C16orf96: variants seen among roughly 807,000 people sequenced by gnomAD.
C16orf96 encodes the protein uncharacterized protein C16orf96.
Under a neutral mutation model 103.6 loss-of-function variants are expected in C16orf96, and 108 were observed. That is an observed-to-expected ratio of 1.04 (90% CI 0.89 to 1.22). C16orf96 has a LOEUF of 1.22. Among genes scored for constraint, C16orf96 ranks in the 50% most tolerant of loss-of-function variants. C16orf96 has a pLI of 0.00. For synonymous variants in C16orf96, 566 were observed against 593.5 expected (o/e 0.95, Z 0.67); for missense variants, 1,586 against 1,464.2 (o/e 1.08, Z -1.36).
At chr16:4,566,356 G>A (rs1318650714) in intron 1 of C16orf96, among the ~76,000 whole-genome samples, 2 of 152,110 alleles carry the variant, frequency 1.3e-5, no homozygotes, top group South Asian at 4.1e-4. Flanking sequence ...TCTGACTTTC[G>A]CTTCTGACCA....
intron 1 of C16orf96, among the ~76,000 whole-genome samples, chr16:4,561,844 T>C (rs1398107089): frequency 6.6e-6 from 1 of 152,158 alleles, no homozygotes; most frequent in African/African-American, 2.4e-5. Flanking sequence ...TTTTACAATG[T>C]TCCTTTCGCG....
chr16:4,599,197 G>C, intron 14 of C16orf96, 87 bp from the exon 15 acceptor site: 1 of 1,191,162 alleles, frequency 8.4e-7, no homozygotes, highest in African/African-American at 1.5e-5. Context: ...GGTCCCACCA[G>C]AGGGAGACTG....
the C16orf96 span, among the ~76,000 whole-genome samples, chr16:4,548,320 C>G: frequency 2.6e-5 from 4 of 152,324 alleles, no homozygotes; most frequent in Middle Eastern, 0.01. Flanking sequence ...GCAGCTCCTC[C>G]TCCCTGGCAC....
chr16:4,577,141 A>G (rs1309111752), intron 5 of C16orf96, among the ~76,000 whole-genome samples: 2 of 152,010 alleles, frequency 1.3e-5, no homozygotes, highest in African/African-American at 4.8e-5. Flanking sequence ...CGGTGAGCCA[A>G]GATCATGCCA....
chr16:4,543,300 A>G, the C16orf96 span, among the ~76,000 whole-genome samples: 11 of 152,104 alleles, frequency 7.2e-5, no homozygotes, highest in African/African-American at 2.7e-4. Context: ...GTGTGGGGAA[A>G]TGCAAGCAGT....
chr16:4,555,269 TACACACACACACACACACAC>T (rs71139639), upstream of C16orf96, among the ~76,000 whole-genome samples: 35 of 145,688 alleles, frequency 2.4e-4, no homozygotes, highest in African/African-American at 6.9e-4. Flanking sequence ...TCACACACAC[TACACACACACACACACACAC>T]ACACACACAC....
chr16:4,571,719 G>C (rs2059440539), intron 2 of C16orf96, 54 bp downstream of exon 2: 1 of 1,375,856 alleles, frequency 7.3e-7, no homozygotes, highest in African/African-American at 1.7e-5. Context: ...GGCCTCTGGG[G>C]GTTGGAGCAA....
chr16:4,540,332 T>C, the C16orf96 span, among the ~76,000 whole-genome samples: 1 of 152,154 alleles, frequency 6.6e-6, no homozygotes, highest in East Asian at 1.9e-4. Context: ...CATTCTATTC[T>C]GGAAGGGCAT....
chr16:4,599,966 C>T, intron 15 of C16orf96, 134 bp from the exon 16 acceptor site: 1 of 924,336 alleles, frequency 1.1e-6, no homozygotes, highest in South Asian at 1.7e-5. Context: ...AGGTATGGTG[C>T]CCAGCCGGCC....
At chr16:4,543,369 G>C in the C16orf96 span, among the ~76,000 whole-genome samples, 1 of 152,058 alleles carries the variant, frequency 6.6e-6, no homozygotes, top group South Asian at 2.1e-4. Flanking sequence ...GAAACATGAG[G>C]GCCTTATAGA....
intron 1 of C16orf96, among the ~76,000 whole-genome samples, chr16:4,568,826 C>T (rs151051492): frequency 2.0e-5 from 3 of 151,584 alleles, no homozygotes; most frequent in East Asian, 1.9e-4. Flanking sequence ...GATGGGAGAC[C>T]GCTATGTTGC....
intron 5 of C16orf96, among the ~76,000 whole-genome samples, chr16:4,577,943 C>T (rs765669340): frequency 6.6e-6 from 1 of 151,806 alleles, no homozygotes; most frequent in Non-Finnish European, 1.5e-5. Flanking sequence ...TAGCGAGACT[C>T]CTCCTCAAAA....
At chr16:4,596,732 C>A (rs913207967) in intron 14 of C16orf96, among the ~76,000 whole-genome samples, 5 of 152,044 alleles carry the variant, frequency 3.3e-5, no homozygotes, top group South Asian at 2.1e-4. Context: ...AACCAAACAA[C>A]AACAACAACA....
chr16:4,599,204 A>C, intron 14 of C16orf96, 80 bp from the exon 15 acceptor site: 1 of 1,254,230 alleles, frequency 8.0e-7, no homozygotes, highest in Non-Finnish European at 1.1e-6. Context: ...CCAGAGGGAG[A>C]CTGCCCAGTG....
intron 1 of C16orf96, among the ~76,000 whole-genome samples, chr16:4,570,284 T>C (rs538386015): frequency 6.6e-6 from 1 of 152,242 alleles, no homozygotes; most frequent in East Asian, 1.9e-4. Context: ...AACCCTGCAA[T>C]GCAGCGAGCA....
chr16:4,575,547 C>T lies in C16orf96; in HGVS notation c.1067C>T (p.Pro356Leu). 6.5e-7 allele frequency: 1 copy of T among 1,538,630 alleles called. No individual in the cohort carries two copies. Among genetic ancestry groups the T allele is most frequent in the Non-Finnish European group, 8.7e-7 (1 of 1,143,362 alleles). The part of the protein sequence containing the change: ...PVPALGPVPG[P>L]SVTPGSLPAP... ...CCTGCCCTGGGGCCTGTCCCAGGGCCCAGTGTGACACCTGGGTCCTTGCCA... is the reference window on the plus strand; with the variant it reads ...CCTGCCCTGGGGCCTGTCCCAGGGCTCAGTGTGACACCTGGGTCCTTGCCA... The change falls in exon 5 of 16, where the codon CCC becomes CTC. Residue 356 changes from proline (P) to leucine (L), a missense_variant. Pro to Leu is a moderately conservative substitution (Grantham distance 98, BLOSUM62 -3). Coordinates refer to ENST00000444310, the MANE Select transcript of C16orf96 (RefSeq NM_001145011.2).
intron 1 of C16orf96, among the ~76,000 whole-genome samples, chr16:4,567,536 G>A (rs1392699466): frequency 6.6e-6 from 1 of 151,492 alleles, no homozygotes; most frequent in Non-Finnish European, 1.5e-5. Flanking sequence ...GCCCACCTCG[G>A]CCTCCCAAAG....
intron 2 of C16orf96, among the ~76,000 whole-genome samples, chr16:4,574,195 A>C (rs1354797636): frequency 1.3e-5 from 2 of 151,206 alleles, no homozygotes; most frequent in Admixed American, 1.3e-4. Flanking sequence ...GCCGTACAGA[A>C]ACCTGTTGAA....
the C16orf96 span, among the ~76,000 whole-genome samples, chr16:4,544,712 A>G: frequency 6.6e-6 from 1 of 152,194 alleles, no homozygotes; most frequent in Non-Finnish European, 1.5e-5. Context: ...CATTTAGGTC[A>G]CTGCTCATAG....
Sources: gnomAD v4.1 joint callset for allele counts (sites outside exome capture counted in the v4.1 genomes callset) on GRCh38, gnomAD v4.1.1 for gene constraint, MANE v1.5 for transcripts, NCBI Gene and HGNC (gene_info 2026-07-23, HGNC 2026-07-21) for gene names.